The following ASIC2 variants were observed in gnomAD, a reference collection of about 807,000 sequenced individuals.
ASIC2 encodes acid-sensing ion channel 2.
A neutral mutation model predicts 57.3 loss-of-function variants in ASIC2; 25 were observed. That is an observed-to-expected ratio of 0.44 (90% CI 0.32 to 0.61). The LOEUF (loss-of-function observed/expected upper bound fraction) is 0.61, where lower values mean the gene tolerates loss of function less well. Among genes scored for constraint, ASIC2 ranks in the 20% least tolerant of loss-of-function variants. ASIC2 has a pLI of 0.06. For synonymous variants in ASIC2, 319 were observed against 307.5 expected, an observed-to-expected ratio of 1.04 and a Z score of -0.39; for missense variants, 641 against 738.1, an observed-to-expected ratio of 0.87 and a Z score of 1.52.
At position 33,111,897 on chromosome 17, in the gene ASIC2, G is replaced by C. The variant is rs765622116; in HGVS notation, c.859+20C>G. ...AACCCTCCACCATCACCCAATGCCC[G>C]GTCCCTGTGCCCAGCTCACCTGTCT... On this transcript the variant is annotated intron_variant, in intron 2 of 9. Coordinates refer to ENST00000225823, the MANE Select transcript of ASIC2 (RefSeq NM_183377.2). The C allele has an allele frequency of 6.2e-7, 1 of 1,600,896 alleles. No homozygotes were observed. Among genetic ancestry groups the C allele is most frequent in the Non-Finnish European group, 8.5e-7 (1 of 1,173,428 alleles).
At chr17:33,495,712 G>T (rs1354534437) in intron 1 of ASIC2, among the ~76,000 whole-genome samples, 2 of 152,186 alleles carry the variant, frequency 1.3e-5, no homozygotes, top group Non-Finnish European at 2.9e-5. Flanking sequence ...AGGGTAATGG[G>T]GGAGACACCA....
intron 1 of ASIC2, among the ~76,000 whole-genome samples, chr17:33,853,400 T>C (rs962987720): frequency 2.0e-5 from 3 of 152,180 alleles, no homozygotes; most frequent in African/African-American, 4.8e-5. Context: ...TGGGCACACA[T>C]GCATTGATTC....
intron 2 of ASIC2, among the ~76,000 whole-genome samples, chr17:33,094,780 C>A (rs2092171706): frequency 6.6e-6 from 1 of 152,230 alleles, no homozygotes. Flanking sequence ...CCCTTCTACT[C>A]CACACCTCTT....
At chr17:33,765,113 GT>G (rs371277349) in intron 1 of ASIC2, among the ~76,000 whole-genome samples, 10 of 148,298 alleles carry the variant, frequency 6.7e-5, no homozygotes, top group Admixed American at 2.7e-4. Flanking sequence ...ATTGTTTTTT[GT>G]TTTTTTTTTG....
In ASIC2 at chr17:33,292,648, G is replaced by C. The variant is rs558303219; in HGVS notation, c.-533C>G. ...CCGTAGCCCAGCGGTGCTGGGACACGGGAGAGAAGGCGCCAAGGAACGAGC... is the reference window on the plus strand; with the variant it reads ...CCGTAGCCCAGCGGTGCTGGGACACCGGAGAGAAGGCGCCAAGGAACGAGC... On this transcript the variant is annotated 5_prime_UTR_variant, in exon 1 of 10. Coordinates refer to ENST00000225823, the MANE Select transcript of ASIC2 (RefSeq NM_183377.2). 452 of 985,678 alleles carry C rather than the reference G, an allele frequency of 4.6e-4. 3 individuals carry two copies. In the African/African-American group the frequency reaches 7.3e-3, roughly 16 times the overall value. The allele number at this position is 985,678 out of a possible 1,614,324, so 61.1% of individuals were successfully genotyped here.
chr17:33,946,392 TA>T (rs1245543337), intron 1 of ASIC2, among the ~76,000 whole-genome samples: 1 of 152,126 alleles, frequency 6.6e-6, no homozygotes. Flanking sequence ...CTTTGAATGC[TA>T]AAAAAAGGTG....
At chr17:33,467,857 G>T (rs1048568716) in intron 1 of ASIC2, among the ~76,000 whole-genome samples, 2 of 152,158 alleles carry the variant, frequency 1.3e-5, no homozygotes, top group African/African-American at 4.8e-5. Flanking sequence ...CCAAGTTGCG[G>T]CCTGACCACC....
At chr17:33,531,771 G>A (rs956465336) in intron 1 of ASIC2, among the ~76,000 whole-genome samples, 2 of 152,082 alleles carry the variant, frequency 1.3e-5, no homozygotes, top group Admixed American at 6.5e-5. Context: ...CACCTGGGGG[G>A]TGCCCATAAT....
chr17:33,458,087 G>A (rs894996499), intron 1 of ASIC2, among the ~76,000 whole-genome samples: 23 of 152,306 alleles, frequency 1.5e-4, no homozygotes, highest in Non-Finnish European at 3.2e-4. Flanking sequence ...TTGGGGCTAG[G>A]TCTTAAGGAT....
chr17:33,911,975 T>G (rs1166240550), intron 1 of ASIC2, among the ~76,000 whole-genome samples: 1 of 151,360 alleles, frequency 6.6e-6, no homozygotes, highest in Non-Finnish European at 1.5e-5. Flanking sequence ...ACCCCGTGTC[T>G]ACTAAAAATA....
intron 1 of ASIC2, among the ~76,000 whole-genome samples, chr17:33,684,397 T>G (rs1043937979): frequency 1.3e-4 from 20 of 151,952 alleles, no homozygotes; most frequent in Admixed American, 1.3e-3. Context: ...ACGTTTTAAA[T>G]ATATCGGGCA....
intron 1 of ASIC2, among the ~76,000 whole-genome samples, chr17:33,760,805 T>C (rs1910757622): frequency 1.3e-5 from 2 of 152,194 alleles, no homozygotes; most frequent in South Asian, 4.1e-4. Context: ...TTATGGTCTA[T>C]GGGCTGCCAT....
At chr17:33,457,461 A>T (rs968165393) in intron 1 of ASIC2, among the ~76,000 whole-genome samples, 3 of 152,212 alleles carry the variant, frequency 2.0e-5, no homozygotes, top group African/African-American at 7.2e-5. Context: ...ATTTATCACC[A>T]GAGCCAAAAT....
chr17:33,155,154 T>C (rs1026037145), intron 1 of ASIC2, among the ~76,000 whole-genome samples: 10 of 152,380 alleles, frequency 6.6e-5, no homozygotes, highest in African/African-American at 2.4e-4. Flanking sequence ...GTAAGGAGCC[T>C]GTAACGCATC....
chr17:33,848,751 CT>C (rs1913682869), intron 1 of ASIC2, among the ~76,000 whole-genome samples: 2 of 152,300 alleles, frequency 1.3e-5, no homozygotes, highest in South Asian at 4.1e-4. Flanking sequence ...GCAGGCTTCA[CT>C]CCAGGGGCTG....
chr17:33,370,716 G>A (rs374245527), intron 1 of ASIC2, among the ~76,000 whole-genome samples: 17 of 152,208 alleles, frequency 1.1e-4, no homozygotes, highest in African/African-American at 3.9e-4. Context: ...CTCTAGCACA[G>A]CAGGGTACAG....
intron 1 of ASIC2, among the ~76,000 whole-genome samples, chr17:33,743,424 C>G (rs994068279): frequency 2.6e-5 from 4 of 152,216 alleles, no homozygotes; most frequent in African/African-American, 9.7e-5. Context: ...CTAGGGTTAC[C>G]ACATGTGATA....
chr17:33,181,796 C>CT (rs1160382985), intron 1 of ASIC2, among the ~76,000 whole-genome samples: 2 of 152,206 alleles, frequency 1.3e-5, no homozygotes, highest in Non-Finnish European at 2.9e-5. Flanking sequence ...TTGGAGATAT[C>CT]TTTTGGGGGG....
intron 1 of ASIC2, among the ~76,000 whole-genome samples, chr17:33,608,263 T>C (rs1396449145): frequency 2.0e-5 from 3 of 151,866 alleles, no homozygotes; most frequent in African/African-American, 7.3e-5. Context: ...TTTTAGAGGG[T>C]GAGTGTGAGG....
Sources: gnomAD v4.1 joint callset for allele counts (sites outside exome capture counted in the v4.1 genomes callset) on GRCh38, gnomAD v4.1.1 for gene constraint, MANE v1.5 for transcripts, NCBI Gene and HGNC (gene_info 2026-07-23, HGNC 2026-07-21) for gene names.